HPSE2: variants seen among roughly 807,000 people sequenced by gnomAD.
HPSE2 encodes the protein heparanase 2 (inactive).
Under a neutral mutation model 60.5 loss-of-function variants are expected in HPSE2, and 38 were observed. That is an observed-to-expected ratio of 0.63 (90% CI 0.48 to 0.82). The LOEUF (loss-of-function observed/expected upper bound fraction) is 0.82. Ranked by LOEUF, HPSE2 falls within the 40% of genes least tolerant of loss-of-function variation. The pLI, the probability that HPSE2 is intolerant of heterozygous loss-of-function variation, is 0.00. For missense variants in HPSE2, 713 were observed against 740.4 expected (o/e 0.96, Z 0.43); for synonymous variants, 295 against 293.2 (o/e 1.01, Z -0.06).
chr10:99,200,439 G>A (rs1049518925), intron 2 of HPSE2, among the ~76,000 whole-genome samples: 1 of 152,032 alleles, frequency 6.6e-6, no homozygotes, highest in Non-Finnish European at 1.5e-5. Context: ...AGCAGATATT[G>A]TAGAGATTTG....
At chr10:99,018,805 G>A (rs1306423640) in intron 3 of HPSE2, among the ~76,000 whole-genome samples, 1 of 152,110 alleles carries the variant, frequency 6.6e-6, no homozygotes, top group Non-Finnish European at 1.5e-5. Context: ...CCTCAAAGAG[G>A]TGATTTTTCA....
At chr10:98,688,990 T>G (rs968093583) in intron 6 of HPSE2, among the ~76,000 whole-genome samples, 24 of 152,216 alleles carry the variant, frequency 1.6e-4, no homozygotes, top group African/African-American at 4.3e-4. Context: ...ATATATGAAG[T>G]GTTATTTTTG....
intron 9 of HPSE2, among the ~76,000 whole-genome samples, chr10:98,504,160 C>T (rs1489308980): frequency 6.6e-6 from 1 of 152,150 alleles, no homozygotes; most frequent in East Asian, 1.9e-4. Context: ...ATCCTCAGTT[C>T]TGCACATCAT....
intron 9 of HPSE2, among the ~76,000 whole-genome samples, chr10:98,519,344 C>A (rs1942710445): frequency 6.6e-6 from 1 of 152,216 alleles, no homozygotes; most frequent in Non-Finnish European, 1.5e-5. Context: ...TGAGCTAATT[C>A]TTAGGTCCCA....
At chr10:99,228,551 T>C (rs957085297) in intron 2 of HPSE2, among the ~76,000 whole-genome samples, 28 of 152,132 alleles carry the variant, frequency 1.8e-4, no homozygotes, top group African/African-American at 6.8e-4. Context: ...AAGATTTCCT[T>C]GTTGAGAGCA....
rs6584217 is a variant in HPSE2 at position 98,744,291 on chromosome 10, G to A, written c.611-235C>T. On this transcript the variant is annotated intron_variant, in intron 3 of 11. Coordinates refer to ENST00000370552, the MANE Select transcript of HPSE2 (RefSeq NM_021828.5). ...GCCTGTAATCCCAGCACTTTGGGAG[G>A]CCGAGGTGGGCAGATCACCTAAGGT... is the stretch of plus-strand genomic sequence containing the variant. 0.69 allele frequency among the ~76,000 whole-genome samples: 105,300 copies of A among 151,878 alleles called. 37,604 individuals are homozygous for A. The highest frequency in any genetic ancestry group is 0.8 in the Non-Finnish European group (54,116 of 67,954).
At chr10:98,998,904 A>G (rs568292734) in intron 3 of HPSE2, among the ~76,000 whole-genome samples, 13 of 152,338 alleles carry the variant, frequency 8.5e-5, no homozygotes, top group Admixed American at 8.5e-4. Flanking sequence ...AGGACATGTT[A>G]TTATTCCCCT....
At chr10:98,895,347 G>A (rs1953456452) in intron 3 of HPSE2, among the ~76,000 whole-genome samples, 1 of 152,202 alleles carries the variant, frequency 6.6e-6, no homozygotes, top group East Asian at 1.9e-4. Context: ...CTAAGATATA[G>A]TTAGCCAGAG....
At chr10:99,259,921 T>C in the HPSE2 span, among the ~76,000 whole-genome samples, 1 of 152,208 alleles carries the variant, frequency 6.6e-6, no homozygotes, top group East Asian at 1.9e-4. Context: ...CCTCATGATC[T>C]GAGGTGGTAC....
At chr10:98,943,046 A>T (rs1433457940) in intron 3 of HPSE2, among the ~76,000 whole-genome samples, 1 of 131,244 alleles carries the variant, frequency 7.6e-6, no homozygotes, top group Non-Finnish European at 1.6e-5. Context: ...ACACATGGAC[A>T]CAGGAAGGGG....
chr10:99,146,722 G>C (rs573824694), intron 2 of HPSE2, among the ~76,000 whole-genome samples: 1 of 152,058 alleles, frequency 6.6e-6, no homozygotes, highest in African/African-American at 2.4e-5. Context: ...TTAGCTGGGC[G>C]TGGTGGCACA....
chr10:98,886,021 A>G (rs1268488723), intron 3 of HPSE2, among the ~76,000 whole-genome samples: 1 of 152,148 alleles, frequency 6.6e-6, no homozygotes, highest in African/African-American at 2.4e-5. Flanking sequence ...AAAAATTCAT[A>G]GTCAATTTAT....
intron 5 of HPSE2, among the ~76,000 whole-genome samples, chr10:98,701,662 AAAATG>A (rs76408748): frequency 0.51 from 75,316 of 146,892 alleles, 20,997 homozygotes; most frequent in South Asian, 0.75. Flanking sequence ...AAAATAAAAT[AAAATG>A]AAAATAGTTT....
intron 2 of HPSE2, among the ~76,000 whole-genome samples, chr10:99,165,766 C>A (rs768056736): frequency 1.3e-5 from 2 of 151,772 alleles, no homozygotes; most frequent in Non-Finnish European, 2.9e-5. Context: ...AGGCTGGTCT[C>A]GAACTCCTGA....
chr10:98,511,555 GGTGTGTGTGTGTGTGTGTGTGT>G (rs6144045), intron 9 of HPSE2, among the ~76,000 whole-genome samples: 3 of 140,734 alleles, frequency 2.1e-5, no homozygotes, highest in African/African-American at 7.7e-5. Context: ...ACATAACTAT[GGTGTGTGTGTGTGTGTGTGTGT>G]GTGTGTGTGT....
At chr10:99,255,668 G>A in the HPSE2 span, among the ~76,000 whole-genome samples, 1 of 151,788 alleles carries the variant, frequency 6.6e-6, no homozygotes, top group Non-Finnish European at 1.5e-5. Context: ...TCAACAAAAT[G>A]AGAATTAAAG....
chr10:98,798,401 G>C (rs532532157), intron 3 of HPSE2, among the ~76,000 whole-genome samples: 17 of 152,182 alleles, frequency 1.1e-4, no homozygotes, highest in African/African-American at 4.1e-4. Context: ...AAAACTCAAT[G>C]GTAACAGTAA....
intron 9 of HPSE2, among the ~76,000 whole-genome samples, chr10:98,526,958 T>C (rs1394857469): frequency 6.6e-6 from 1 of 152,142 alleles, no homozygotes; most frequent in Non-Finnish European, 1.5e-5. Flanking sequence ...TAAAGGGACC[T>C]CAAACCCACT....
intron 3 of HPSE2, among the ~76,000 whole-genome samples, chr10:98,897,449 C>T (rs1953527010): frequency 6.6e-6 from 1 of 152,094 alleles, no homozygotes; most frequent in Admixed American, 6.6e-5. Context: ...TACAATAAAA[C>T]AGCATAAGGC....
Sources: gnomAD v4.1 joint callset for allele counts (sites outside exome capture counted in the v4.1 genomes callset) on GRCh38, gnomAD v4.1.1 for gene constraint, MANE v1.5 for transcripts, NCBI Gene and HGNC (gene_info 2026-07-23, HGNC 2026-07-21) for gene names.